The following IGF2 variants were observed in gnomAD, a reference collection of about 807,000 sequenced individuals.
IGF2 encodes the protein insulin-like growth factor 2.
In IGF2, 2 loss-of-function variants were observed where a neutral mutation model predicts 12.0. The observed-to-expected ratio is 0.17, with a 90% CI of 0.07 to 0.52. The LOEUF (loss-of-function observed/expected upper bound fraction) is 0.52, where lower values mean the gene tolerates loss of function less well. Ranked by LOEUF, IGF2 falls within the 20% of genes least tolerant of loss-of-function variation. The pLI is 0.95. For synonymous variants in IGF2, 105 were observed against 110.1 expected (o/e 0.95, Z 0.29); for missense variants, 211 against 268.0 (o/e 0.79, Z 1.48).
At position 2,138,441 on chromosome 11, in the gene IGF2, G is replaced by C. The variant is rs1859264420; in HGVS notation, c.-219C>G. 1.1e-6 allele frequency: 1 copy of C among 885,432 alleles called. No individual in the cohort carries two copies. The highest frequency in any genetic ancestry group is 1.8e-5 in the African/African-American group (1 of 54,424). 54.8% of individuals were successfully genotyped at this position (885,432 alleles called of 1,614,324 possible). A position where few individuals can be genotyped will look rare whatever the true frequency, so the allele number is the denominator to read the frequency against. ...GTCCAGGGAGGACGGGCTGTCTTCGGGCTGGGGCGGGCCAGATGTTGTACT... is the reference window on the plus strand; with the variant it reads ...GTCCAGGGAGGACGGGCTGTCTTCGCGCTGGGGCGGGCCAGATGTTGTACT... On this transcript the variant is annotated 5_prime_UTR_variant, in exon 1 of 4. Coordinates refer to ENST00000416167, the MANE Select transcript of IGF2 (RefSeq NM_000612.6).
At chr11:2,139,997 C>A, upstream of IGF2, 3 of 733,172 alleles carry the variant, frequency 4.1e-6, no homozygotes, top group Non-Finnish European at 6.1e-6. Context: ...CGCGCCGGAG[C>A]CCCGGAGCCC....
Position 2,138,447 on chromosome 11 carries a change from G to T in IGF2, c.-225C>A. Reference sequence around the variant, plus strand: ...GGAGGACGGGCTGTCTTCGGGCTGGGGCGGGCCAGATGTTGTACTTTTCGG... The same window carrying T: ...GGAGGACGGGCTGTCTTCGGGCTGGTGCGGGCCAGATGTTGTACTTTTCGG... On this transcript the variant is annotated 5_prime_UTR_variant, in exon 1 of 4. Transcript: ENST00000416167. 1.1e-6 allele frequency: 1 copy of T among 903,998 alleles called. No homozygotes were observed. The highest frequency in any genetic ancestry group is 1.3e-6 in the Non-Finnish European group (1 of 757,794). 56.0% of individuals were successfully genotyped at this position (903,998 alleles called of 1,614,324 possible).
At chr11:2,134,066 G>T in intron 2 of IGF2, 1 of 433,534 alleles carries the variant, frequency 2.3e-6, no homozygotes, top group South Asian at 1.9e-5. Flanking sequence ...CTCTGGCCTG[G>T]CACCACCTAG....
chr11:2,140,271 A>G (rs764346209), upstream of IGF2: 6 of 1,612,898 alleles, frequency 3.7e-6, no homozygotes, highest in African/African-American at 1.3e-5. Context: ...GGCCACCACG[A>G]TAATTTGGGG....
chr11:2,135,663 AT>A, intron 1 of IGF2, 134 bp from the exon 2 acceptor site: 1 of 744,670 alleles, frequency 1.3e-6, no homozygotes, highest in Non-Finnish European at 2.2e-6. Context: ...TATAAACATT[AT>A]TTTTATTACA....
chr11:2,130,609 A>C lies in IGF2; in HGVS notation c.*2378T>G. ...AAAACAAAAAAAAAAAAAAAAGGAA[A>C]AATGCCCCAAGAAACAAAGAGGGGG... is the stretch of plus-strand genomic sequence containing the variant. On this transcript the variant is annotated 3_prime_UTR_variant, in exon 4 of 4. Coordinates refer to ENST00000416167, the MANE Select transcript of IGF2 (RefSeq NM_000612.6). 4.6e-6 allele frequency: 1 copy of C among 218,440 alleles called. No homozygotes were observed. Among genetic ancestry groups the C allele is most frequent in the Non-Finnish European group, 9.3e-6 (1 of 108,060 alleles). The allele number at this position is 218,440 out of a possible 1,614,324, so 13.5% of individuals were successfully genotyped here.
Position 2,132,666 on chromosome 11 carries a change from G to T in IGF2, c.*321C>A, listed in dbSNP as rs985344108. ...TTTAAGAGGGTTGTTGTGGGGGGGG[G>T]GGAAGGGGGTTAGTTTAATGTTTTG... is the stretch of plus-strand genomic sequence containing the variant. On this transcript the variant is annotated 3_prime_UTR_variant, in exon 4 of 4. Coordinates refer to ENST00000416167, the MANE Select transcript of IGF2 (RefSeq NM_000612.6). 1.5e-5 allele frequency: 3 copies of T among 198,558 alleles called. No homozygotes were observed. Among genetic ancestry groups the T allele is most frequent in the Non-Finnish European group, 2.9e-5 (3 of 102,764 alleles). The allele number at this position is 198,558 out of a possible 1,614,324, so 12.3% of individuals were successfully genotyped here. A position where few individuals can be genotyped will look rare whatever the true frequency, so the allele number is the denominator to read the frequency against.
Position 2,133,240 on chromosome 11 carries a change from C to A in IGF2, c.307-17G>T. 4 of 1,499,924 alleles carry A rather than the reference C, an allele frequency of 2.7e-6. No homozygotes were observed. The highest frequency in any genetic ancestry group is 3.6e-6 in the Non-Finnish European group (4 of 1,110,982). The allele number at this position is 1,499,924 out of a possible 1,614,324, so 92.9% of individuals were successfully genotyped here. On this transcript the variant is annotated splice_polypyrimidine_tract_variant and intron_variant, in intron 3 of 3. Transcript: ENST00000416167. This position sits in a 1 kb window ranked among gnomAD's most constrained non-coding sequence, Gnocchi z 8.9. ...GAAGTTGTCCTGGGAGGGGAAGGGG[C>A]TGGTCAGCAGGTGCCTGCTCTCCAC... is the stretch of plus-strand genomic sequence containing the variant.
Position 2,138,532 on chromosome 11 carries a change from GATAGTGGGAGAGAC to G in IGF2, c.-324_-311del. Reference sequence around the variant, plus strand: ...TGTATCAAGGATAGAGGGGGGCAGAGATAGTGGGAGAGACAGAGTGAACGTGAAAGGGGGGGGCC... The same window carrying G: ...TGTATCAAGGATAGAGGGGGGCAGAGAGAGTGAACGTGAAAGGGGGGGGCC... On this transcript the variant is annotated 5_prime_UTR_variant, in exon 1 of 4. Transcript: ENST00000416167. The G allele has an allele frequency of 1.5e-6, 1 of 654,104 alleles. No individual in the cohort carries two copies. Among genetic ancestry groups the G allele is most frequent in the African/African-American group, 2.3e-5 (1 of 42,954 alleles). 40.5% of individuals were successfully genotyped at this position (654,104 alleles called of 1,614,324 possible). A position where few individuals can be genotyped will look rare whatever the true frequency, so the allele number is the denominator to read the frequency against.
Position 2,133,517 on chromosome 11 carries a change from C to T in IGF2, c.306G>A (p.Pro102=), listed in dbSNP as rs536204564. The T allele has an allele frequency of 6.2e-6, 10 of 1,610,276 alleles. No homozygotes were observed. Among genetic ancestry groups the T allele is most frequent in the Admixed American group, 3.4e-5 (2 of 59,638 alleles). Reference sequence around the variant, plus strand: ...TGGGAAAGGGGCCCAGGACCCTCACCGGAAGCACGGTCGGAGGGGTCGACA... The same window carrying T: ...TGGGAAAGGGGCCCAGGACCCTCACTGGAAGCACGGTCGGAGGGGTCGACA... ...RDVSTPPTVL[P]DNFPRYPVGK... Residue 102 remains proline (P), a splice_region_variant and synonymous_variant, in exon 3 of 4, where the codon CCG becomes CCA. Transcript: ENST00000416167. The surrounding 1 kb of genome is among the most constrained non-coding windows in gnomAD (Gnocchi z 8.9).
In IGF2 at chr11:2,133,342, G is replaced by A. The variant is rs983903769; in HGVS notation, c.307-119C>T. ...ATCAGTGACTTGAGCTAATGTCCAC[G>A]GGCAGAGGGACAGAAGGAGCCAGCG... is the stretch of plus-strand genomic sequence containing the variant. On this transcript the variant is annotated intron_variant, in intron 3 of 3. Transcript: ENST00000416167. This position sits in a 1 kb window ranked among gnomAD's most constrained non-coding sequence, Gnocchi z 8.9. 9.0e-6 allele frequency: 9 copies of A among 1,000,772 alleles called. No individual in the cohort carries two copies. Among genetic ancestry groups the A allele is most frequent in the African/African-American group, 3.3e-5 (2 of 61,128 alleles). 62.0% of individuals were successfully genotyped at this position (1,000,772 alleles called of 1,614,324 possible). A position where few individuals can be genotyped will look rare whatever the true frequency, so the allele number is the denominator to read the frequency against.
In IGF2 at chr11:2,130,528, T is replaced by TA. The variant is rs368927765; in HGVS notation, c.*2458_*2459insT. 1 of 143,280 alleles carries TA rather than the reference T, an allele frequency of 7.0e-6. No homozygotes were observed. The highest frequency in any genetic ancestry group is 3.4e-5 in the African/African-American group (1 of 29,274). The allele number at this position is 143,280 out of a possible 1,614,324, so 8.9% of individuals were successfully genotyped here. A position where few individuals can be genotyped will look rare whatever the true frequency, so the allele number is the denominator to read the frequency against. ...CTTTTGTCACTGCCCCCCTGTTACA[T>TA]GGGGGGGGGGTTTAATTTGGTTTCT... On this transcript the variant is annotated 3_prime_UTR_variant, in exon 4 of 4. Coordinates refer to ENST00000416167, the MANE Select transcript of IGF2 (RefSeq NM_000612.6).
At chr11:2,142,591 C>T (rs17885389), upstream of IGF2, among the ~76,000 whole-genome samples, 1,468 of 152,250 alleles carry the variant, frequency 9.6e-3, 32 homozygotes, top group African/African-American at 0.034. This position sits in a 1 kb window ranked among gnomAD's most constrained non-coding sequence, Gnocchi z 5.7. Context: ...CCAGAACATC[C>T]AAGTATGGGG....
At chr11:2,139,759 A>G (rs1859424668), upstream of IGF2, among the ~76,000 whole-genome samples, 1 of 151,392 alleles carries the variant, frequency 6.6e-6, no homozygotes, top group Admixed American at 6.6e-5. Flanking sequence ...CCGGGCAGGC[A>G]GGGGCAGGCG....
upstream of IGF2, chr11:2,139,447 C>G (rs1382370659): frequency 1.1e-4 from 16 of 146,740 alleles, no homozygotes; most frequent in African/African-American, 3.4e-4. Context: ...GCCCAGGGCC[C>G]GCGCGGGCCT....
At chr11:2,142,644 C>T (rs1182143450), upstream of IGF2, among the ~76,000 whole-genome samples, 1 of 152,150 alleles carries the variant, frequency 6.6e-6, no homozygotes, top group Non-Finnish European at 1.5e-5. This position sits in a 1 kb window ranked among gnomAD's most constrained non-coding sequence, Gnocchi z 5.7. Context: ...GTTGGGGTTT[C>T]AGACCAATGC....
upstream of IGF2, among the ~76,000 whole-genome samples, chr11:2,144,282 C>A (rs1205080983): frequency 1.3e-5 from 2 of 152,100 alleles, no homozygotes; most frequent in African/African-American, 4.8e-5. Flanking sequence ...TCCCCCTCGC[C>A]ACTGCGCCCC....
At position 2,139,258 on chromosome 11, in the gene IGF2, A is replaced by G. The variant is rs1299915816; in HGVS notation, c.-1036T>C. On this transcript the variant is annotated 5_prime_UTR_variant, in exon 1 of 4. Transcript: ENST00000416167. ...AGCAGCGAGGCAGCGGGCGGCGTCG[A>G]CGCGGGGCCGCCTTGCCCGATGGAG... 1 of 141,488 alleles carries G rather than the reference A, an allele frequency of 7.1e-6. No homozygotes were observed. The highest frequency in any genetic ancestry group is 6.9e-5 in the Admixed American group (1 of 14,412). The allele number at this position is 141,488 out of a possible 1,614,324, so 8.8% of individuals were successfully genotyped here. A position where few individuals can be genotyped will look rare whatever the true frequency, so the allele number is the denominator to read the frequency against.
chr11:2,132,881 G>C lies in IGF2; in HGVS notation c.*106C>G, dbSNP rs1858707468. ...ACTGGGTCAGGAGAAGCCCCAGGGG[G>C]ACGTGGAACCGAGAGATTTTCGGGA... On this transcript the variant is annotated 3_prime_UTR_variant, in exon 4 of 4. Transcript: ENST00000416167. 8 of 787,570 alleles carry C rather than the reference G, an allele frequency of 1.0e-5. No individual in the cohort carries two copies. Among genetic ancestry groups the C allele is most frequent in the Non-Finnish European group, 1.4e-5 (7 of 487,070 alleles). 48.8% of individuals were successfully genotyped at this position (787,570 alleles called of 1,614,324 possible).
Sources: gnomAD v4.1 joint callset for allele counts (sites outside exome capture counted in the v4.1 genomes callset) on GRCh38, gnomAD v4.1.1 for gene constraint, Gnocchi (gnomAD v3.1) non-coding constraint, MANE v1.5 for transcripts, NCBI Gene and HGNC (gene_info 2026-07-23, HGNC 2026-07-21) for gene names.